Variants in RGS7 observed in about 807,000 individuals in gnomAD.
RGS7 encodes the protein regulator of G protein signaling 7, also known as regulator of G-protein signaling 7.
A neutral mutation model predicts 81.1 loss-of-function variants in RGS7; 27 were observed. That is an observed-to-expected ratio of 0.33 (90% CI 0.25 to 0.46). The LOEUF (loss-of-function observed/expected upper bound fraction) is 0.46, where lower values mean the gene tolerates loss of function less well. RGS7 is among the 20% of genes least tolerant of loss of function. RGS7 has a pLI of 1.00. For missense variants in RGS7, 396 were observed against 607.4 expected, an observed-to-expected ratio of 0.65 and a Z score of 3.66; for synonymous variants, 208 against 207.7, an observed-to-expected ratio of 1.00 and a Z score of -0.01.
intron 2 of RGS7, among the ~76,000 whole-genome samples, chr1:241,135,275 T>C (rs928818585): frequency 1.3e-5 from 2 of 151,844 alleles, no homozygotes; most frequent in African/African-American, 4.8e-5. Flanking sequence ...AAATATAAAA[T>C]AATTAGCCGG....
Position 241,356,730 on chromosome 1 carries a change from C to T in RGS7, c.-51+169G>A, listed in dbSNP as rs573117212. Among the ~76,000 whole-genome samples, 32 of 150,316 alleles carry T rather than the reference C, an allele frequency of 2.1e-4. No homozygotes were observed. In the East Asian group the frequency reaches 4.9e-3, roughly 23 times the overall value. On this transcript the variant is annotated intron_variant, in intron 1 of 18. Coordinates refer to ENST00000440928, the MANE Select transcript of RGS7 (RefSeq NM_001364886.1). The stretch of plus-strand genomic sequence containing the variant: ...GGGCAGCAGTTTCAGCACCGTGGAC[C>T]GCGGGGTGCGCGCGGCGCCCGTAGC...
chr1:241,001,922 T>A (rs1380338530), intron 3 of RGS7, among the ~76,000 whole-genome samples: 1 of 151,980 alleles, frequency 6.6e-6, no homozygotes, highest in Admixed American at 6.6e-5. Flanking sequence ...GGCCCCTGTG[T>A]GATAATGATG....
chr1:241,244,675 T>C (rs1005006136), intron 2 of RGS7, among the ~76,000 whole-genome samples: 28 of 152,104 alleles, frequency 1.8e-4, no homozygotes, highest in Non-Finnish European at 3.2e-4. Context: ...ATTGTGGCAC[T>C]ATTCACAATA....
At chr1:240,891,321 T>C (rs1668258813) in intron 6 of RGS7, among the ~76,000 whole-genome samples, 1 of 152,210 alleles carries the variant, frequency 6.6e-6, no homozygotes, top group African/African-American at 2.4e-5. Context: ...ATCAGTTCTT[T>C]AGTGAAGTGT....
intron 10 of RGS7, among the ~76,000 whole-genome samples, chr1:240,820,647 G>C (rs998912000): frequency 5.9e-5 from 9 of 152,092 alleles, no homozygotes; most frequent in Non-Finnish European, 1.0e-4. Context: ...GCCTGAGGGA[G>C]CTCGTTTGCC....
At chr1:241,137,097 C>T (rs2067575994) in intron 2 of RGS7, among the ~76,000 whole-genome samples, 1 of 152,210 alleles carries the variant, frequency 6.6e-6, no homozygotes, top group African/African-American at 2.4e-5. Flanking sequence ...GTTTAGGCAT[C>T]ATATCATCAG....
chr1:240,942,517 A>G (rs1187222877), intron 4 of RGS7, among the ~76,000 whole-genome samples: 2 of 152,210 alleles, frequency 1.3e-5, no homozygotes, highest in Non-Finnish European at 2.9e-5. Flanking sequence ...CTATCATGTT[A>G]TTTACTCTTA....
intron 4 of RGS7, among the ~76,000 whole-genome samples, chr1:240,964,756 C>T (rs1682015962): frequency 6.6e-6 from 1 of 152,120 alleles, no homozygotes; most frequent in Admixed American, 6.6e-5. Flanking sequence ...AGATTTTTTA[C>T]CTTGTGACCA....
At chr1:240,783,221 G>C (rs761890664) in intron 18 of RGS7, among the ~76,000 whole-genome samples, 1 of 152,148 alleles carries the variant, frequency 6.6e-6, no homozygotes, top group Admixed American at 6.5e-5. Flanking sequence ...CAGAGATTTT[G>C]TTATAATTAG....
intron 4 of RGS7, among the ~76,000 whole-genome samples, chr1:240,977,002 CTATCATT>C (rs917594533): frequency 6.6e-6 from 1 of 150,694 alleles, no homozygotes; most frequent in African/African-American, 2.5e-5. Flanking sequence ...TATCTATCAT[CTATCATT>C]TATCTCTATC....
At chr1:241,046,530 T>C (rs1227192676) in intron 3 of RGS7, among the ~76,000 whole-genome samples, 1 of 152,218 alleles carries the variant, frequency 6.6e-6, no homozygotes. Flanking sequence ...AAAAACCATT[T>C]GTCTTCAGTG....
rs1413577269 is a variant in RGS7 at position 241,132,738 on chromosome 1, ATTATTTGT to A, written c.79-33984_79-33977del. Among the ~76,000 whole-genome samples, 131 of 142,664 alleles carry A rather than the reference ATTATTTGT, an allele frequency of 9.2e-4. 1 individual carries two copies. Among genetic ancestry groups the A allele is most frequent in the African/African-American group, 3.1e-3 (116 of 37,918 alleles). 93.6% of individuals were successfully genotyped at this position (142,664 alleles called of 152,430 possible). A position where few individuals can be genotyped will look rare whatever the true frequency, so the allele number is the denominator to read the frequency against. ...TTAAGGTCTGTCAATAATTCAACTT[ATTATTTGT>A]TTGTTTGTTTGTTTGTTTGTTTGTT... is the stretch of plus-strand genomic sequence containing the variant. On this transcript the variant is annotated intron_variant, in intron 2 of 18. Coordinates refer to ENST00000440928, the MANE Select transcript of RGS7 (RefSeq NM_001364886.1).
chr1:241,238,170 G>A (rs939414455), intron 2 of RGS7, among the ~76,000 whole-genome samples: 3 of 152,172 alleles, frequency 2.0e-5, no homozygotes, highest in Non-Finnish European at 2.9e-5. Flanking sequence ...TATTGTAGAA[G>A]CTCAGATTGG....
chr1:240,829,975 G>A (rs143857956), intron 9 of RGS7, among the ~76,000 whole-genome samples: 31 of 152,218 alleles, frequency 2.0e-4, no homozygotes, highest in African/African-American at 5.8e-4. Flanking sequence ...GAGCTCAGCA[G>A]GTGTTTCATT....
intron 2 of RGS7, among the ~76,000 whole-genome samples, chr1:241,330,065 G>A (rs1266075968): frequency 2.0e-5 from 3 of 151,924 alleles, no homozygotes; most frequent in Admixed American, 6.6e-5. Flanking sequence ...TCAGCCTCTC[G>A]AGTAGCTGGG....
In RGS7 at chr1:241,068,224, T is replaced by TTGTGTGTGTGTGTGTG. The variant is rs71568983; in HGVS notation, c.175+30441_175+30442insCACACACACACACACA. 7.8e-3 allele frequency among the ~76,000 whole-genome samples: 435 copies of TTGTGTGTGTGTGTGTG among 55,654 alleles called. 46 individuals carry two copies. The highest frequency in any genetic ancestry group is 0.017 in the African/African-American group (273 of 16,092). The allele number at this position is 55,654 out of a possible 152,430, so 36.5% of individuals were successfully genotyped here. On this transcript the variant is annotated intron_variant, in intron 3 of 18. Transcript: ENST00000440928. ...TTTGCTTTTGGGTTCTATCCATAAATTGTGTGTGTGTGTGTATATATATAT... is the reference window on the plus strand; with the variant it reads ...TTTGCTTTTGGGTTCTATCCATAAATTGTGTGTGTGTGTGTGTGTGTGTGTGTGTGTATATATATAT...
intron 6 of RGS7, among the ~76,000 whole-genome samples, chr1:240,910,284 C>T (rs576855778): frequency 6.6e-6 from 1 of 152,192 alleles, no homozygotes; most frequent in African/African-American, 2.4e-5. Context: ...AAATGTGGGG[C>T]GTTTGGCCCT....
chr1:240,841,606 T>C (rs966509416), intron 9 of RGS7, among the ~76,000 whole-genome samples: 1 of 152,314 alleles, frequency 6.6e-6, no homozygotes, highest in East Asian at 1.9e-4. Flanking sequence ...ATGAGTTTCA[T>C]AAGCATTCTC....
intron 2 of RGS7, among the ~76,000 whole-genome samples, chr1:241,298,779 A>T (rs375354499): frequency 6.6e-6 from 1 of 152,158 alleles, no homozygotes; most frequent in South Asian, 2.1e-4. Context: ...CAGGCGATCC[A>T]TGCTGGCCAT....
Sources: allele counts gnomAD v4.1 joint callset (sites outside exome capture counted in the v4.1 genomes callset), GRCh38; gene constraint gnomAD v4.1.1; transcripts MANE v1.5; gene names NCBI Gene and HGNC (gene_info 2026-07-23, HGNC 2026-07-21).